CDH18: variants seen among roughly 807,000 people sequenced by gnomAD.
CDH18 encodes cadherin-18.
In CDH18, 31 loss-of-function variants were observed where a neutral mutation model predicts 67.9. That is an observed-to-expected ratio of 0.46 (90% CI 0.34 to 0.62). The LOEUF (loss-of-function observed/expected upper bound fraction) is 0.62. CDH18 is among the 20% of genes least tolerant of loss of function. The pLI is 0.01. For synonymous variants in CDH18, 362 were observed against 347.2 expected (o/e 1.04, Z -0.48); for missense variants, 890 against 975.5 (o/e 0.91, Z 1.17).
chr5:19,963,016 T>C (rs575539156), intron 2 of CDH18, among the ~76,000 whole-genome samples: 2 of 152,232 alleles, frequency 1.3e-5, no homozygotes, highest in Admixed American at 1.3e-4. Flanking sequence ...TGTATTCTCT[T>C]ATTTCTAGTT....
At chr5:20,140,225 A>T (rs1750120397) in intron 2 of CDH18, among the ~76,000 whole-genome samples, 2 of 152,170 alleles carry the variant, frequency 1.3e-5, no homozygotes. Context: ...AGGATAGAAA[A>T]CCAAACACTA....
At chr5:19,615,170 T>C (rs543882630) in intron 5 of CDH18, among the ~76,000 whole-genome samples, 2 of 149,714 alleles carry the variant, frequency 1.3e-5, no homozygotes, top group South Asian at 2.1e-4. Context: ...AAAAAAATCA[T>C]AACGCTCTCT....
chr5:20,301,365 T>C (rs1735881645), intron 1 of CDH18, among the ~76,000 whole-genome samples: 1 of 152,242 alleles, frequency 6.6e-6, no homozygotes, highest in African/African-American at 2.4e-5. Context: ...TTTATCCATC[T>C]GATTGCTAAG....
intron 2 of CDH18, among the ~76,000 whole-genome samples, chr5:20,012,961 A>T (rs973272130): frequency 6.6e-6 from 1 of 152,086 alleles, no homozygotes; most frequent in African/African-American, 2.4e-5. Context: ...GATATTAGTT[A>T]TCTAATATAT....
intron 5 of CDH18, among the ~76,000 whole-genome samples, chr5:19,673,843 A>G (rs1759095187): frequency 6.6e-6 from 1 of 152,112 alleles, no homozygotes; most frequent in South Asian, 2.1e-4. Context: ...TGACTCATTG[A>G]CAGGTTAGTA....
chr5:19,485,479 TCTC>T (rs1158568706), intron 11 of CDH18, among the ~76,000 whole-genome samples: 1 of 152,042 alleles, frequency 6.6e-6, no homozygotes, highest in Non-Finnish European at 1.5e-5. Context: ...ATGGTCTCGA[TCTC>T]CTGACCTCAC....
intron 1 of CDH18, among the ~76,000 whole-genome samples, chr5:20,297,090 TAACA>T (rs1747596796): frequency 6.6e-6 from 1 of 152,104 alleles, no homozygotes; most frequent in South Asian, 2.1e-4. Flanking sequence ...AGAAAATACT[TAACA>T]TATATTTAAA....
intron 12 of CDH18, 75 bp downstream of exon 12, chr5:19,483,226 C>A: frequency 6.8e-7 from 1 of 1,463,010 alleles, no homozygotes; most frequent in Non-Finnish European, 9.3e-7. Flanking sequence ...GATGCCTAAT[C>A]CTTAAGATTT....
intron 5 of CDH18, among the ~76,000 whole-genome samples, chr5:19,650,268 C>T (rs903301485): frequency 1.4e-4 from 19 of 138,016 alleles, no homozygotes; most frequent in African/African-American, 4.7e-4. Context: ...TTTCCCAAAA[C>T]ATTGGGCTTA....
At chr5:19,519,552 C>T (rs539753315) in intron 10 of CDH18, among the ~76,000 whole-genome samples, 44 of 152,270 alleles carry the variant, frequency 2.9e-4, no homozygotes, top group Non-Finnish European at 5.0e-4. Context: ...CTGGAATGCA[C>T]GCCTTCCTGT....
intron 1 of CDH18, among the ~76,000 whole-genome samples, chr5:20,548,287 C>T (rs1390808935): frequency 6.6e-6 from 1 of 151,568 alleles, no homozygotes; most frequent in African/African-American, 2.4e-5. Context: ...CATTACTCAT[C>T]TTTCCAAAGT....
chr5:20,279,856 A>G (rs1561935030), intron 1 of CDH18, among the ~76,000 whole-genome samples: 2 of 152,106 alleles, frequency 1.3e-5, no homozygotes, highest in East Asian at 1.9e-4. Context: ...AGTCTGCACT[A>G]TAGACTAAGT....
intron 4 of CDH18, among the ~76,000 whole-genome samples, chr5:19,736,606 TTGTG>T: frequency 6.6e-6 from 1 of 152,186 alleles, no homozygotes; most frequent in Admixed American, 6.5e-5. Flanking sequence ...TCTAGTTTTT[TTGTG>T]TGTGTTTGTT....
rs1745163705 is a variant in CDH18 at position 20,394,923 on chromosome 5, T to G, written c.-579-139418A>C. Reference sequence around the variant, plus strand: ...AGGCAGGATGGCAAGTATTAAAAATTAAAAAAATAAAAATAAATAAATATA... The same window carrying G: ...AGGCAGGATGGCAAGTATTAAAAATGAAAAAAATAAAAATAAATAAATATA... On this transcript the variant is annotated intron_variant, in intron 1 of 14. Transcript: ENST00000507958. Among the ~76,000 whole-genome samples, 4 of 151,794 alleles carry G rather than the reference T, an allele frequency of 2.6e-5. No individual in the cohort carries two copies. The South Asian group carries it at 8.3e-4, about 32-fold the overall frequency.
At chr5:19,871,522 A>T (rs1424250572) in intron 2 of CDH18, among the ~76,000 whole-genome samples, 1 of 152,206 alleles carries the variant, frequency 6.6e-6, no homozygotes, top group African/African-American at 2.4e-5. Context: ...CGTTGATTCC[A>T]AACTTTTTTA....
chr5:20,191,746 T>C (rs1405999892), intron 2 of CDH18, among the ~76,000 whole-genome samples: 2 of 152,186 alleles, frequency 1.3e-5, no homozygotes, highest in African/African-American at 4.8e-5. Context: ...ATTTTCTTTT[T>C]CCAGTCTATC....
At chr5:20,103,987 G>C (rs1214366350) in intron 2 of CDH18, among the ~76,000 whole-genome samples, 1 of 151,278 alleles carries the variant, frequency 6.6e-6, no homozygotes, top group African/African-American at 2.4e-5. Flanking sequence ...ACAAGAGCAA[G>C]GGCATCTATT....
chr5:19,916,626 G>A (rs1045614879), intron 2 of CDH18, among the ~76,000 whole-genome samples: 7 of 152,158 alleles, frequency 4.6e-5, no homozygotes, highest in African/African-American at 7.2e-5. Flanking sequence ...CTGTGTTATT[G>A]AGGTAGTCCA....
intron 4 of CDH18, among the ~76,000 whole-genome samples, chr5:19,730,931 A>C (rs2150633245): frequency 6.6e-6 from 1 of 152,320 alleles, no homozygotes; most frequent in East Asian, 1.9e-4. Flanking sequence ...CATCAGAAGC[A>C]ATTGAGGGAA....
Sources: allele counts gnomAD v4.1 joint callset (sites outside exome capture counted in the v4.1 genomes callset), GRCh38; gene constraint gnomAD v4.1.1; transcripts MANE v1.5; gene names NCBI Gene and HGNC (gene_info 2026-07-23, HGNC 2026-07-21).